The following FBXO47 variants were observed in gnomAD, a reference collection of about 807,000 sequenced individuals.
FBXO47 encodes the protein F-box protein 47, also known as F-box only protein 47.
In FBXO47, 34 loss-of-function variants were observed where a neutral mutation model predicts 53.9. That is an observed-to-expected ratio of 0.63 (90% CI 0.48 to 0.84). The LOEUF is 0.84. FBXO47 is among the 40% of genes least tolerant of loss of function. The pLI is 0.00. For synonymous variants in FBXO47, 165 were observed against 181.6 expected (o/e 0.91, Z 0.73); for missense variants, 485 against 541.3 (o/e 0.90, Z 1.03).
In FBXO47 at chr17:38,938,685, C is replaced by G. The variant is rs145585502; in HGVS notation, c.1131G>C (p.Met377Ile). The G allele has an allele frequency of 2.2e-5, 35 of 1,613,316 alleles. No individual in the cohort carries two copies. Among genetic ancestry groups the G allele is most frequent in the Admixed American group, 1.7e-5 (1 of 59,982 alleles). Residue 377 changes from methionine to isoleucine, a missense_variant, in exon 10 of 11, where the codon ATG (methionine) becomes ATC (isoleucine). Physicochemically the swap from Met to Ile is conservative, Grantham distance 10 (BLOSUM62 1). Transcript: ENST00000378079. Reference sequence around the variant, plus strand: ...TGCTAAAGACTTTGCAGACTTTTTGCATCATTTTAACTGTCCAATCCATGC... The same window carrying G: ...TGCTAAAGACTTTGCAGACTTTTTGGATCATTTTAACTGTCCAATCCATGC... ...LYCMDWTVKMMQKVCKVFSTP... is the reference protein window; with the variant it reads ...LYCMDWTVKMIQKVCKVFSTP...
chr17:38,945,079 T>C lies in FBXO47; in HGVS notation c.674A>G (p.Asp225Gly), dbSNP rs1387777881. 1.9e-6 allele frequency: 3 copies of C among 1,613,768 alleles called. No homozygotes were observed. The Admixed American group carries it at 5.0e-5, about 27-fold the overall frequency. ...IRLFCRNVLL[D>G]HWTHRSDSAF... is the part of the protein sequence containing the mutation. ...AGAATCACTTCGATGTGTCCAATGA[T>C]CAAGGAGGACATTCCTACAGAAGAG... Residue 225 changes from aspartate to glycine, a missense_variant, in exon 7 of 11, where the codon GAT (aspartate) becomes GGT (glycine). By Grantham distance (94) the Asp-to-Gly change is moderately conservative. Transcript: ENST00000378079.
At chr17:38,938,290 A>G (rs566386872) in intron 10 of FBXO47, among the ~76,000 whole-genome samples, 1 of 152,328 alleles carries the variant, frequency 6.6e-6, no homozygotes, top group African/African-American at 2.4e-5. Context: ...CAAAATTGAA[A>G]GTGGTTCCTT....
intron 1 of FBXO47, 127 bp from the exon 2 acceptor site, chr17:38,963,178 G>C: frequency 1.7e-6 from 1 of 589,778 alleles, no homozygotes; most frequent in Non-Finnish European, 2.9e-6. Flanking sequence ...ATTTGCAAAA[G>C]ATTTTTGGTT....
chr17:38,946,315 AATATATATAAATATATAAAT>A (rs1399727811), intron 6 of FBXO47, among the ~76,000 whole-genome samples: 15 of 86,416 alleles, frequency 1.7e-4, no homozygotes, highest in Non-Finnish European at 2.6e-4. Context: ...TAAATATATA[AATATATATAAATATATAAAT>A]ATATATAAAT....
Position 38,961,860 on chromosome 17 carries a change from C to G in FBXO47, c.352+17G>C. On this transcript the variant is annotated intron_variant, in intron 3 of 10. Transcript: ENST00000378079. Reference sequence around the variant, plus strand: ...GCACAGTTCTTTACTTGTTGCAATTCTCATTACATAAGTTACCTAGAGATC... The same window carrying G: ...GCACAGTTCTTTACTTGTTGCAATTGTCATTACATAAGTTACCTAGAGATC... 11 of 1,600,436 alleles carry G rather than the reference C, an allele frequency of 6.9e-6. No homozygotes were observed. Among genetic ancestry groups the G allele is most frequent in the Non-Finnish European group, 8.5e-6 (10 of 1,175,102 alleles).
At chr17:38,959,174 G>A (rs1021291679) in intron 3 of FBXO47, among the ~76,000 whole-genome samples, 1 of 151,668 alleles carries the variant, frequency 6.6e-6, no homozygotes, top group Non-Finnish European at 1.5e-5. Flanking sequence ...AACCACAGGT[G>A]CTCTGCTATA....
chr17:38,943,008 T>C, intron 8 of FBXO47, 88 bp from the exon 9 acceptor site: 1 of 1,146,522 alleles, frequency 8.7e-7, no homozygotes, highest in South Asian at 1.6e-5. Context: ...ATTTTATCTT[T>C]ATTGGAAATA....
chr17:38,954,905 G>A lies in FBXO47; in HGVS notation c.458C>T (p.Ala153Val). 6.2e-7 allele frequency: 1 copy of A among 1,610,808 alleles called. No individual in the cohort carries two copies. Among genetic ancestry groups the A allele is most frequent in the South Asian group, 1.1e-5 (1 of 90,386 alleles). ...TAATCCTAAACACTGCATAGGAGCT[G>A]CACAGCCATTGAATTTAAAGCAGGA... is the stretch of plus-strand genomic sequence containing the variant. ...EVSCFKFNGCAAPMQCLGLTC... is the reference protein window; with the variant it reads ...EVSCFKFNGCVAPMQCLGLTC... The change falls in exon 5 of 11, where the codon GCA (alanine) becomes GTA (valine). Residue 153 changes from alanine to valine, a missense_variant. Ala to Val is a moderately conservative substitution (Grantham distance 64, BLOSUM62 0). Coordinates refer to ENST00000378079, the MANE Select transcript of FBXO47 (RefSeq NM_001008777.3).
rs1598147478 is a variant in FBXO47 at position 38,957,116 on chromosome 17, A to G, written c.429+61T>C. ...ATATAGAGTAAAATGAGCATAAGAT[A>G]ATAATAAAATATCTTTACTGGAAAT... On this transcript the variant is annotated intron_variant, in intron 4 of 10. Coordinates refer to ENST00000378079, the MANE Select transcript of FBXO47 (RefSeq NM_001008777.3). 3.6e-6 allele frequency: 4 copies of G among 1,108,210 alleles called. No homozygotes were observed. The South Asian group carries it at 5.3e-5, about 15-fold the overall frequency. The allele number at this position is 1,108,210 out of a possible 1,614,324, so 68.6% of individuals were successfully genotyped here. A position where few individuals can be genotyped will look rare whatever the true frequency, so the allele number is the denominator to read the frequency against.
chr17:38,937,917 C>G (rs906176293), intron 10 of FBXO47, among the ~76,000 whole-genome samples: 2 of 152,212 alleles, frequency 1.3e-5, no homozygotes, highest in African/African-American at 4.8e-5. Flanking sequence ...ATCCACCCGC[C>G]TCGGCCTCCC....
rs901630062 is a variant in FBXO47 at position 38,940,335 on chromosome 17, C to T, written c.1084-1603G>A. ...GCTTTCTAGAGAAGGCTTCCCCACCCCTAGTGATTTTCTCTTCATTACATT... is the reference window on the plus strand; with the variant it reads ...GCTTTCTAGAGAAGGCTTCCCCACCTCTAGTGATTTTCTCTTCATTACATT... On this transcript the variant is annotated intron_variant, in intron 9 of 10. Coordinates refer to ENST00000378079, the MANE Select transcript of FBXO47 (RefSeq NM_001008777.3). 1.2e-4 allele frequency among the ~76,000 whole-genome samples: 18 copies of T among 151,866 alleles called. 1 individual carries two copies. The highest frequency in any genetic ancestry group is 4.4e-4 in the African/African-American group (18 of 41,182).
chr17:38,938,562 T>G lies in FBXO47; in HGVS notation c.1243+11A>C. 1 of 1,601,478 alleles carries G rather than the reference T, an allele frequency of 6.2e-7. No individual in the cohort carries two copies. Among genetic ancestry groups the G allele is most frequent in the South Asian group, 1.1e-5 (1 of 90,382 alleles). ...TACGCACACCTGTGCACCAAGTACA[T>G]TCCTACTCACCAGACATAATTGATT... On this transcript the variant is annotated intron_variant, in intron 10 of 10. Coordinates refer to ENST00000378079, the MANE Select transcript of FBXO47 (RefSeq NM_001008777.3).
At chr17:38,961,779 T>C (rs1905823948) in intron 3 of FBXO47, 98 bp downstream of exon 3, 3 of 1,033,118 alleles carry the variant, frequency 2.9e-6, no homozygotes, top group Non-Finnish European at 4.3e-6. Flanking sequence ...TATTTTGGAA[T>C]ATATTCCATT....
chr17:38,941,791 A>G (rs1904524966), intron 9 of FBXO47, among the ~76,000 whole-genome samples: 1 of 151,200 alleles, frequency 6.6e-6, no homozygotes, highest in African/African-American at 2.4e-5. Context: ...CTCCCACCTC[A>G]GCCTCCTGAG....
chr17:38,963,030 C>A lies in FBXO47; in HGVS notation c.-5G>T. 1 of 1,603,896 alleles carries A rather than the reference C, an allele frequency of 6.2e-7. No homozygotes were observed. The highest frequency in any genetic ancestry group is 1.3e-5 in the African/African-American group (1 of 74,710). ...TGTATTTATTCTGGATGCCATTCTT[C>A]TTCTTGTCTCACAAATTTATCCTGG... On this transcript the variant is annotated 5_prime_UTR_variant, in exon 2 of 11. Coordinates refer to ENST00000378079, the MANE Select transcript of FBXO47 (RefSeq NM_001008777.3).
intron 7 of FBXO47, among the ~76,000 whole-genome samples, chr17:38,943,990 G>A (rs534454028): frequency 2.0e-4 from 30 of 152,002 alleles, no homozygotes; most frequent in African/African-American, 6.5e-4. Flanking sequence ...TACGGAGTTC[G>A]AGACCAGCCT....
chr17:38,957,444 T>C (rs1009797765), intron 3 of FBXO47, among the ~76,000 whole-genome samples, 191 bp from the exon 4 acceptor site: 5 of 152,214 alleles, frequency 3.3e-5, no homozygotes, highest in Admixed American at 6.5e-5. Flanking sequence ...ACCAAGTGAC[T>C]CTGATGCTCA....
intron 10 of FBXO47, among the ~76,000 whole-genome samples, chr17:38,937,960 G>A (rs1011184011): frequency 2.0e-5 from 3 of 152,132 alleles, no homozygotes; most frequent in East Asian, 1.9e-4. Context: ...GAGCCACCTC[G>A]CCCAGCCTTC....
intron 4 of FBXO47, among the ~76,000 whole-genome samples, chr17:38,956,155 A>G (rs890218422): frequency 3.3e-5 from 5 of 151,318 alleles, no homozygotes; most frequent in Admixed American, 1.3e-4. Flanking sequence ...AAAAAGTTTT[A>G]TTTATGAATG....
Sources: allele counts gnomAD v4.1 joint callset (sites outside exome capture counted in the v4.1 genomes callset), GRCh38; gene constraint gnomAD v4.1.1; transcripts MANE v1.5; gene names NCBI Gene and HGNC (gene_info 2026-07-23, HGNC 2026-07-21).